Variants in FBXL18 observed in about 807,000 individuals in gnomAD.
FBXL18 encodes F-box/LRR-repeat protein 18.
In FBXL18, 36 loss-of-function variants were observed where a neutral mutation model predicts 46.0. The ratio of observed to expected loss-of-function variants is 0.78; its 90% CI spans 0.60 to 1.03. The LOEUF is 1.03. Ranked by LOEUF, FBXL18 falls within the 50% of genes least tolerant of loss-of-function variation. FBXL18 has a pLI of 0.00. For synonymous variants in FBXL18, 557 were observed against 465.3 expected (o/e 1.20, Z -2.54); for missense variants, 977 against 1,004.1 (o/e 0.97, Z 0.36).
At chr7:5,468,077 G>T (rs1460329443) in intron 4 of FBXL18, among the ~76,000 whole-genome samples, 1 of 151,816 alleles carries the variant, frequency 6.6e-6, no homozygotes, top group Admixed American at 6.6e-5. Flanking sequence ...CTGCCTCCCG[G>T]GTTCAAGCAA....
Position 5,481,580 on chromosome 7 carries a change from C to T in FBXL18, c.*195G>A. The stretch of plus-strand genomic sequence containing the variant: ...CCCTCATGTCACCCAGAACGCATCC[C>T]CTCGACCTAAACTTCACAGAGCAAC... On this transcript the variant is annotated 3_prime_UTR_variant, in exon 5 of 5. Transcript: ENST00000382368. The T allele has an allele frequency of 1.6e-6, 1 of 612,678 alleles. No individual in the cohort carries two copies. Among genetic ancestry groups the T allele is most frequent in the Admixed American group, 2.9e-5 (1 of 34,372 alleles). The allele number at this position is 612,678 out of a possible 1,614,324, so 38.0% of individuals were successfully genotyped here.
chr7:5,459,495 C>T (rs538515120), intron 4 of FBXL18, among the ~76,000 whole-genome samples: 2 of 152,014 alleles, frequency 1.3e-5, no homozygotes, highest in East Asian at 3.9e-4. Context: ...AATCCCAGCA[C>T]ACTGGGCGGC....
intron 4 of FBXL18, among the ~76,000 whole-genome samples, chr7:5,484,979 A>C (rs1461935109): frequency 6.6e-6 from 1 of 152,036 alleles, no homozygotes; most frequent in Non-Finnish European, 1.5e-5. Context: ...ACAGGATCTC[A>C]CCATGTTGCC....
intron 4 of FBXL18, chr7:5,489,654 C>T (rs1478487237): frequency 4.6e-6 from 1 of 217,768 alleles, no homozygotes; most frequent in Non-Finnish European, 9.4e-6. Flanking sequence ...TGGCGGGCGC[C>T]TGTAGTCCCA....
intron 1 of FBXL18, among the ~76,000 whole-genome samples, chr7:5,511,253 G>A (rs1474009092): frequency 1.3e-5 from 2 of 151,744 alleles, no homozygotes; most frequent in Non-Finnish European, 2.9e-5. Context: ...TGGCTAACAC[G>A]GTGAAACCCC....
chr7:5,509,044 T>G (rs918709714), intron 1 of FBXL18, among the ~76,000 whole-genome samples: 11 of 151,750 alleles, frequency 7.2e-5, no homozygotes, highest in Non-Finnish European at 1.3e-4. Flanking sequence ...AATACAAAAC[T>G]TAGCCGGGTG....
At chr7:5,485,005 C>T (rs562535788) in intron 4 of FBXL18, among the ~76,000 whole-genome samples, 178 of 152,218 alleles carry the variant, frequency 1.2e-3, no homozygotes, top group Non-Finnish European at 2.1e-3. Flanking sequence ...TGGTCTCAAA[C>T]TCCTGGGCTC....
chr7:5,463,718 TTATTTATTTA>T (rs1562672231), intron 4 of FBXL18, among the ~76,000 whole-genome samples: 2 of 73,016 alleles, frequency 2.7e-5, no homozygotes, highest in African/African-American at 1.1e-4. Context: ...ATTTATTTAT[TTATTTATTTA>T]TTTTTTTTTT....
intron 4 of FBXL18, among the ~76,000 whole-genome samples, chr7:5,482,744 A>C (rs1209234803): frequency 6.6e-6 from 1 of 152,116 alleles, no homozygotes. Flanking sequence ...CTCCTAGGCC[A>C]AAATGCAATG....
At chr7:5,513,479 G>A (rs1207063627) in intron 1 of FBXL18, among the ~76,000 whole-genome samples, 178 bp downstream of exon 1, 12 of 152,146 alleles carry the variant, frequency 7.9e-5, no homozygotes, top group Non-Finnish European at 1.8e-4. Context: ...TAGGAGTCTT[G>A]GGGACAGGAT....
rs60495385 is a variant in FBXL18 at position 5,500,919 on chromosome 7, C to G, written c.1350G>C (p.Lys450Asn). 42 of 1,567,756 alleles carry G rather than the reference C, an allele frequency of 2.7e-5. No individual in the cohort carries two copies. In the African/African-American group the frequency reaches 4.2e-4, roughly 16 times the overall value. ...AGGACTGCACGCCCACACGCACTTT[C>G]TTGCCAAAGCCGCGCGGCACTGCGT... ...AMHAVPRGFG[K>N]KVRVGVQSCP... Residue 450 changes from lysine (K) to asparagine (N), a missense_variant, in exon 3 of 5, where the codon AAG (lysine) becomes AAC (asparagine). By Grantham distance (94) the Lys-to-Asn change is moderately conservative. Transcript: ENST00000382368.
downstream of FBXL18, among the ~76,000 whole-genome samples, chr7:5,475,605 T>C (rs1783496236): frequency 6.6e-6 from 1 of 152,194 alleles, no homozygotes; most frequent in Non-Finnish European, 1.5e-5. The surrounding 1 kb of genome is among the most constrained non-coding windows in gnomAD (Gnocchi z 4.2). Context: ...TGATGCCCCC[T>C]GGGGAGTGTC....
At chr7:5,498,960 T>C in intron 3 of FBXL18, among the ~76,000 whole-genome samples, 1 of 152,222 alleles carries the variant, frequency 6.6e-6, no homozygotes, top group East Asian at 1.9e-4. Context: ...CCTTAAATAC[T>C]AGGAACGGAC....
intron 4 of FBXL18, among the ~76,000 whole-genome samples, chr7:5,458,056 T>C (rs1479235778): frequency 2.0e-5 from 3 of 151,666 alleles, no homozygotes; most frequent in Non-Finnish European, 4.4e-5. Context: ...CAGAGGAGAA[T>C]TGTTCATTTC....
intron 2 of FBXL18, among the ~76,000 whole-genome samples, chr7:5,502,272 T>G (rs2128237817): frequency 6.6e-6 from 1 of 152,244 alleles, no homozygotes; most frequent in East Asian, 1.9e-4. Flanking sequence ...CGGTGGCTCA[T>G]GCCTGTCATC....
chr7:5,509,224 A>G (rs1039494890), intron 1 of FBXL18, among the ~76,000 whole-genome samples: 9 of 150,266 alleles, frequency 6.0e-5, no homozygotes, highest in Non-Finnish European at 1.2e-4. Context: ...AGCATCATAT[A>G]GATTCCACAG....
chr7:5,471,320 A>C (rs1036115015), downstream of FBXL18, among the ~76,000 whole-genome samples: 1 of 152,180 alleles, frequency 6.6e-6, no homozygotes, highest in Non-Finnish European at 1.5e-5. Flanking sequence ...TCTGTCGCCC[A>C]GGCTGGAGTG....
intron 4 of FBXL18, among the ~76,000 whole-genome samples, chr7:5,458,002 C>T (rs1202738319): frequency 2.6e-5 from 4 of 152,170 alleles, no homozygotes; most frequent in Non-Finnish European, 4.4e-5. Context: ...TATTTCTTTC[C>T]AGCAGACATT....
At chr7:5,463,949 C>T (rs1016588710) in intron 4 of FBXL18, among the ~76,000 whole-genome samples, 1 of 151,212 alleles carries the variant, frequency 6.6e-6, no homozygotes, top group African/African-American at 2.4e-5. Flanking sequence ...CCATGTTGGT[C>T]AGTCTGGTCT....
Sources: gnomAD v4.1 joint callset for allele counts (sites outside exome capture counted in the v4.1 genomes callset) on GRCh38, gnomAD v4.1.1 for gene constraint, Gnocchi (gnomAD v3.1) non-coding constraint, MANE v1.5 for transcripts, NCBI Gene and HGNC (gene_info 2026-07-23, HGNC 2026-07-21) for gene names.